ACTN2: variants seen among roughly 807,000 people sequenced by gnomAD.
The protein encoded by ACTN2 is alpha-actinin-2.
In ACTN2, 39 loss-of-function variants were observed where a neutral mutation model predicts 113.8. The ratio of observed to expected loss-of-function variants is 0.34; its 90% CI spans 0.27 to 0.45. The LOEUF (loss-of-function observed/expected upper bound fraction) is 0.45. Ranked by LOEUF, ACTN2 falls within the 20% of genes least tolerant of loss-of-function variation. The probability of loss-of-function intolerance (pLI) is 1.00; values close to 1 mark genes in which losing one functional copy is unlikely to be tolerated. For missense variants in ACTN2, 992 were observed against 1,177.9 expected, an observed-to-expected ratio of 0.84 and a Z score of 2.31; for synonymous variants, 429 against 444.1, an observed-to-expected ratio of 0.97 and a Z score of 0.43.
chr1:236,707,696 T>C (rs909879226), intron 1 of ACTN2, among the ~76,000 whole-genome samples: 12 of 119,342 alleles, frequency 1.0e-4, no homozygotes, highest in Admixed American at 3.5e-4. Flanking sequence ...TTTTCTTTTC[T>C]TTTCTTTTTT....
At chr1:236,693,580 C>G (rs993864972) in intron 1 of ACTN2, among the ~76,000 whole-genome samples, 14 of 152,152 alleles carry the variant, frequency 9.2e-5, no homozygotes, top group Non-Finnish European at 1.8e-4. Flanking sequence ...GAGTGTTACC[C>G]TTGCCCCCTC....
In ACTN2 at chr1:236,751,396, G is replaced by A. The variant is rs1051499029; in HGVS notation, c.1657-74G>A. The A allele has an allele frequency of 2.3e-5, 35 of 1,546,522 alleles. No individual in the cohort carries two copies. In the East Asian group the frequency reaches 4.5e-4, roughly 20 times the overall value. On this transcript the variant is annotated intron_variant, in intron 14 of 20. Coordinates refer to ENST00000366578, the MANE Select transcript of ACTN2 (RefSeq NM_001103.4). The stretch of plus-strand genomic sequence containing the variant: ...ATCATCAAGGCATTTACTTGTGTGC[G>A]GAAAGGAATATCAAAGCCTTTGAAA...
At position 236,761,138 on chromosome 1, in the gene ACTN2, G is replaced by A; in HGVS notation, c.2491G>A (p.Val831Ile). Residue 831 changes from valine (V) to isoleucine (I), a missense_variant, in exon 20 of 21, where the codon GTC (valine) becomes ATC (isoleucine). Around this residue, in one of 3 missense-constraint regions of ACTN2, gnomAD observed 736 missense variants for 815.4 expected, o/e 0.90. Coordinates refer to ENST00000366578, the MANE Select transcript of ACTN2 (RefSeq NM_001103.4). ...GGCTGACACCGACACTGCCGAGCAG[G>A]TCATCGCCTCCTTCCGGATCCTGGC... is the stretch of plus-strand genomic sequence containing the variant. ...ETADTDTAEQ[V>I]IASFRILASD... 6.2e-7 allele frequency: 1 copy of A among 1,614,154 alleles called. No individual in the cohort carries two copies. Among genetic ancestry groups the A allele is most frequent in the African/African-American group, 1.3e-5 (1 of 75,022 alleles).
chr1:236,712,537 A>G (rs1290264530), intron 1 of ACTN2, among the ~76,000 whole-genome samples: 6 of 152,186 alleles, frequency 3.9e-5, no homozygotes, highest in Non-Finnish European at 7.3e-5. Flanking sequence ...TATCTATAAA[A>G]AGGTAATATC....
intron 1 of ACTN2, among the ~76,000 whole-genome samples, chr1:236,700,294 T>C (rs553731984): frequency 1.3e-5 from 2 of 152,324 alleles, no homozygotes; most frequent in South Asian, 4.1e-4. Context: ...GCCATTCTCC[T>C]GCCTCAGCCT....
chr1:236,703,325 C>T (rs1657730867), intron 1 of ACTN2, among the ~76,000 whole-genome samples: 1 of 152,040 alleles, frequency 6.6e-6, no homozygotes, highest in Non-Finnish European at 1.5e-5. Context: ...CAGGTGTGAC[C>T]CCACACAACA....
At chr1:236,733,389 G>GT (rs1426387303) in intron 7 of ACTN2, among the ~76,000 whole-genome samples, 36 of 152,250 alleles carry the variant, frequency 2.4e-4, no homozygotes, top group Admixed American at 1.6e-3. Context: ...CAGTTCTTTG[G>GT]TTTTTCCTTA....
intron 13 of ACTN2, 96 bp downstream of exon 13, chr1:236,747,871 A>C: frequency 9.8e-7 from 1 of 1,018,992 alleles, no homozygotes. Context: ...TGTGGCATGA[A>C]ACAGGTTGCC....
intron 1 of ACTN2, among the ~76,000 whole-genome samples, chr1:236,716,080 C>CA (rs1463382264): frequency 6.8e-6 from 1 of 147,542 alleles, no homozygotes; most frequent in Non-Finnish European, 1.5e-5. Flanking sequence ...ACTGTAAATC[C>CA]AAAAAATCCC....
intron 6 of ACTN2, 21 bp downstream of exon 6, chr1:236,727,777 A>G (rs1658597257): frequency 1.9e-6 from 3 of 1,613,018 alleles, no homozygotes; most frequent in Non-Finnish European, 2.5e-6. Context: ...GTGGCCTGGC[A>G]TGCAGTGTCC....
At chr1:236,736,553 T>C in intron 8 of ACTN2, 1 of 1,503,950 alleles carries the variant, frequency 6.6e-7, no homozygotes, top group South Asian at 1.2e-5. Flanking sequence ...TGACTTCTCA[T>C]CTAGGTTAGA....
chr1:236,713,448 C>T (rs1028858060), intron 1 of ACTN2, among the ~76,000 whole-genome samples: 1 of 152,074 alleles, frequency 6.6e-6, no homozygotes, highest in Non-Finnish European at 1.5e-5. Context: ...GCTGGTCTTG[C>T]ACTCCTGATC....
At chr1:236,728,268 C>CGAGTA (rs1020035988) in intron 6 of ACTN2, among the ~76,000 whole-genome samples, 6 of 151,946 alleles carry the variant, frequency 3.9e-5, no homozygotes, top group Non-Finnish European at 7.4e-5. Flanking sequence ...CTCAGCCTCC[C>CGAGTA]GAGTAACTGG....
chr1:236,759,758 G>C lies in ACTN2; in HGVS notation c.2336G>C (p.Arg779Thr). Reference sequence around the variant, plus strand: ...GGCCTGATGGATCATGAGGATTTCAGAGCCTGCCTGATTTCCATGGGTTAT... The same window carrying C: ...GGCCTGATGGATCATGAGGATTTCACAGCCTGCCTGATTTCCATGGGTTAT... The part of the protein sequence containing the change: ...KNGLMDHEDF[R>T]ACLISMGYDL... The change falls in exon 19 of 21, where the codon AGA becomes ACA. Residue 779 changes from arginine to threonine, a missense_variant. By Grantham distance (71) the Arg-to-Thr change is moderately conservative. Transcript: ENST00000366578. The C allele has an allele frequency of 6.2e-7, 1 of 1,614,156 alleles. No individual in the cohort carries two copies.
intron 1 of ACTN2, among the ~76,000 whole-genome samples, chr1:236,687,976 T>C (rs1178510563): frequency 1.3e-5 from 2 of 152,178 alleles, no homozygotes; most frequent in Non-Finnish European, 2.9e-5. Context: ...TCTCCCCGAG[T>C]TTCTTAAGGC....
intron 5 of ACTN2, among the ~76,000 whole-genome samples, chr1:236,726,280 G>A (rs1248220496): frequency 1.3e-5 from 2 of 152,284 alleles, no homozygotes; most frequent in African/African-American, 2.4e-5. Context: ...GAGTTTGGGG[G>A]TGTAAGCATG....
At chr1:236,741,496 C>T (rs535589877) in intron 10 of ACTN2, among the ~76,000 whole-genome samples, 5 of 152,322 alleles carry the variant, frequency 3.3e-5, no homozygotes, top group South Asian at 4.1e-4. Flanking sequence ...CCGGTTTCCT[C>T]GATCCTAGTA....
chr1:236,694,487 T>C (rs921171944), intron 1 of ACTN2, among the ~76,000 whole-genome samples: 3 of 152,038 alleles, frequency 2.0e-5, no homozygotes, highest in Non-Finnish European at 4.4e-5. Context: ...CCTCACAAAG[T>C]GCTGGGATTA....
chr1:236,732,445 AT>A lies in ACTN2; in HGVS notation c.697+1137del, dbSNP rs925938893. Among the ~76,000 whole-genome samples the A allele has an allele frequency of 3.4e-5, 5 of 147,774 alleles. No individual in the cohort carries two copies. In the South Asian group the frequency reaches 8.6e-4, roughly 25 times the overall value. Reference sequence around the variant, plus strand: ...TTTTTCTTTTTATTTTTTATTTTTTATTTTTTATTTTTTTTGAGACAGAGTC... The same window carrying A: ...TTTTTCTTTTTATTTTTTATTTTTTATTTTTATTTTTTTTGAGACAGAGTC... On this transcript the variant is annotated intron_variant, in intron 7 of 20. Transcript: ENST00000366578.
Sources: gnomAD v4.1 joint callset for allele counts (sites outside exome capture counted in the v4.1 genomes callset) on GRCh38, gnomAD v4.1.1 for gene constraint, gnomAD v4.1.1 regional missense constraint, MANE v1.5 for transcripts, NCBI Gene and HGNC (gene_info 2026-07-23, HGNC 2026-07-21) for gene names.